Variants in AKAP6 observed in about 807,000 individuals in gnomAD.
The protein encoded by AKAP6 is A-kinase anchoring protein 6, also known as A-kinase anchor protein 6.
Under a neutral mutation model 188.5 loss-of-function variants are expected in AKAP6, and 58 were observed. The ratio of observed to expected loss-of-function variants is 0.31; its 90% CI spans 0.25 to 0.38. The LOEUF is 0.38. AKAP6 is among the 10% of genes least tolerant of loss of function. The pLI is 1.00. For missense variants in AKAP6, 2,710 were observed against 2,740.0 expected (o/e 0.99, Z 0.24); for synonymous variants, 989 against 998.6 (o/e 0.99, Z 0.18).
chr14:32,610,161 C>T (rs1886296349), intron 7 of AKAP6, among the ~76,000 whole-genome samples: 1 of 152,080 alleles, frequency 6.6e-6, no homozygotes, highest in African/African-American at 2.4e-5. Context: ...TTATTACTTT[C>T]CCTTTACTGA....
At chr14:32,611,887 T>A (rs978022920) in intron 7 of AKAP6, among the ~76,000 whole-genome samples, 1 of 152,128 alleles carries the variant, frequency 6.6e-6, no homozygotes, top group African/African-American at 2.4e-5. Context: ...GGAAAGGAAG[T>A]GAATCAGTGG....
At chr14:32,421,238 T>A (rs12890042) in intron 1 of AKAP6, among the ~76,000 whole-genome samples, 1 of 151,934 alleles carries the variant, frequency 6.6e-6, no homozygotes, top group African/African-American at 2.4e-5. Flanking sequence ...CTCATGTCCT[T>A]CATTTTCTTG....
chr14:32,458,373 A>G (rs1200566744), intron 2 of AKAP6, among the ~76,000 whole-genome samples: 3 of 152,138 alleles, frequency 2.0e-5, no homozygotes, highest in Admixed American at 1.3e-4. Flanking sequence ...ACTGACTTCA[A>G]AAAATTCATG....
chr14:32,389,777 A>T (rs1179181487), intron 1 of AKAP6, among the ~76,000 whole-genome samples: 1 of 152,048 alleles, frequency 6.6e-6, no homozygotes, highest in African/African-American at 2.4e-5. Flanking sequence ...AGCTCTTAAG[A>T]TTCTTTCCTT....
intron 9 of AKAP6, among the ~76,000 whole-genome samples, chr14:32,710,569 A>G (rs993230258): frequency 8.6e-5 from 13 of 151,986 alleles, no homozygotes; most frequent in African/African-American, 3.1e-4. Flanking sequence ...TGCAAGATAA[A>G]TGGGAGGGAG....
At chr14:32,809,700 G>C (rs2034175342) in intron 12 of AKAP6, among the ~76,000 whole-genome samples, 1 of 152,122 alleles carries the variant, frequency 6.6e-6, no homozygotes, top group Admixed American at 6.6e-5. Flanking sequence ...TGGTGGGGTT[G>C]GGAGCAGGGG....
At chr14:32,735,623 T>A in intron 10 of AKAP6, 35 bp from the exon 11 acceptor site, 1 of 1,454,518 alleles carries the variant, frequency 6.9e-7, no homozygotes, top group Non-Finnish European at 9.3e-7. Context: ...TTTGTTTGTT[T>A]GTTTTATTTT....
At chr14:32,741,722 G>A (rs560979103) in intron 11 of AKAP6, among the ~76,000 whole-genome samples, 12 of 150,844 alleles carry the variant, frequency 8.0e-5, no homozygotes, top group African/African-American at 2.7e-4. Flanking sequence ...CCCCTTGGTC[G>A]TGATGAATAA....
intron 2 of AKAP6, among the ~76,000 whole-genome samples, chr14:32,486,363 G>A (rs940811245): frequency 2.0e-5 from 3 of 152,190 alleles, no homozygotes; most frequent in Admixed American, 2.0e-4. Context: ...AAAGACGATG[G>A]TAGCTTGATG....
intron 3 of AKAP6, among the ~76,000 whole-genome samples, chr14:32,544,131 A>G (rs1384526731): frequency 6.6e-6 from 1 of 152,198 alleles, no homozygotes; most frequent in Admixed American, 6.5e-5. Context: ...AAAGGATCAC[A>G]GGGTCCAGCA....
At chr14:32,446,307 A>G (rs1566507225) in intron 2 of AKAP6, among the ~76,000 whole-genome samples, 1 of 152,174 alleles carries the variant, frequency 6.6e-6, no homozygotes, top group African/African-American at 2.4e-5. Context: ...TTATCCCATA[A>G]TCTGTTGGAT....
intron 2 of AKAP6, among the ~76,000 whole-genome samples, chr14:32,465,016 G>C (rs1292193051): frequency 1.3e-5 from 2 of 152,070 alleles, no homozygotes; most frequent in Non-Finnish European, 2.9e-5. Context: ...AAAATACCAA[G>C]AAATAAAACT....
chr14:32,476,994 A>G (rs993757139), intron 2 of AKAP6, among the ~76,000 whole-genome samples: 1 of 152,150 alleles, frequency 6.6e-6, no homozygotes, highest in African/African-American at 2.4e-5. Context: ...CTGATTTGCA[A>G]TTGGTTAAGG....
At chr14:32,521,583 G>C (rs900237979) in intron 2 of AKAP6, among the ~76,000 whole-genome samples, 1 of 152,048 alleles carries the variant, frequency 6.6e-6, no homozygotes, top group Non-Finnish European at 1.5e-5. Context: ...AACTCCCACT[G>C]ACAATTGCTT....
chr14:32,711,874 T>C (rs1199278954), intron 9 of AKAP6, among the ~76,000 whole-genome samples: 1 of 151,968 alleles, frequency 6.6e-6, no homozygotes, highest in Non-Finnish European at 1.5e-5. Flanking sequence ...TCAGGCCTCA[T>C]TTTCTTCATC....
chr14:32,494,287 T>C (rs1880193397), intron 2 of AKAP6: 1 of 152,148 alleles, frequency 6.6e-6, no homozygotes, highest in African/African-American at 2.4e-5. Flanking sequence ...AGTAGGGTGT[T>C]GATGATGAAG....
At position 32,822,060 on chromosome 14, in the gene AKAP6, A is replaced by G. The variant is rs1391534786; in HGVS notation, c.4247A>G (p.Glu1416Gly). 29 of 1,613,822 alleles carry G rather than the reference A, an allele frequency of 1.8e-5. No individual in the cohort carries two copies. Among genetic ancestry groups the G allele is most frequent in the Non-Finnish European group, 2.5e-5 (29 of 1,179,958 alleles). ...GTGTTAAAGCAAAAATTTACAGATG[A>G]GGGGGAAAGCATTAAGCTTCCAAAT... ...VNVLKQKFTDEGESIKLPNSS... is the reference protein window; with the variant it reads ...VNVLKQKFTDGGESIKLPNSS... Residue 1416 changes from glutamate to glycine, a missense_variant, in exon 13 of 14, where the codon GAG becomes GGG. Glu to Gly is a moderately conservative substitution (Grantham distance 98, BLOSUM62 -2). Transcript: ENST00000280979.
chr14:32,769,036 G>GTTTTTTTTTTTTTTTT (rs1566698267), intron 11 of AKAP6, among the ~76,000 whole-genome samples: 2 of 18,504 alleles, frequency 1.1e-4, no homozygotes, highest in African/African-American at 1.5e-4. Context: ...CTGCTCTTTT[G>GTTTTTTTTTTTTTTTT]ATTTTTTTTT....
intron 11 of AKAP6, among the ~76,000 whole-genome samples, chr14:32,766,220 A>G (rs555681383): frequency 1.3e-5 from 2 of 152,270 alleles, no homozygotes; most frequent in African/African-American, 2.4e-5. Context: ...ATAATATTAC[A>G]TTATATGTAT....
Sources: allele counts gnomAD v4.1 joint callset (sites outside exome capture counted in the v4.1 genomes callset), GRCh38; gene constraint gnomAD v4.1.1; transcripts MANE v1.5; gene names NCBI Gene and HGNC (gene_info 2026-07-23, HGNC 2026-07-21).